ARHGAP29: variants seen among roughly 807,000 people sequenced by gnomAD.
ARHGAP29 encodes the protein rho GTPase-activating protein 29.
ARHGAP29 carries 43 observed loss-of-function variants against 122.6 expected under a neutral mutation model. The ratio of observed to expected loss-of-function variants is 0.35; its 90% confidence interval spans 0.27 to 0.45. ARHGAP29 has a LOEUF of 0.45. Among genes scored for constraint, ARHGAP29 ranks in the 20% least tolerant of loss-of-function variants. The pLI is 1.00. For missense variants in ARHGAP29, 1,303 were observed against 1,477.2 expected (o/e 0.88, Z 1.93); for synonymous variants, 506 against 497.1 (o/e 1.02, Z -0.24).
chr1:94,187,939 A>G (rs1649904357), intron 15 of ARHGAP29, among the ~76,000 whole-genome samples: 1 of 152,146 alleles, frequency 6.6e-6, no homozygotes, highest in African/African-American at 2.4e-5. Flanking sequence ...CTAAATTTAA[A>G]TATAAGAGAT....
intron 20 of ARHGAP29, among the ~76,000 whole-genome samples, chr1:94,178,384 A>G (rs1166164774): frequency 6.6e-6 from 1 of 152,228 alleles, no homozygotes; most frequent in East Asian, 1.9e-4. Context: ...TTTCAAGTTA[A>G]GTAGAAGGAA....
At chr1:94,299,928 T>C in the ARHGAP29 span, among the ~76,000 whole-genome samples, 1 of 152,136 alleles carries the variant, frequency 6.6e-6, no homozygotes, top group African/African-American at 2.4e-5. Context: ...GAGAGGACCT[T>C]TGCCTCTACT....
intron 2 of ARHGAP29, among the ~76,000 whole-genome samples, chr1:94,230,066 C>T (rs561023316): frequency 6.6e-6 from 1 of 151,646 alleles, no homozygotes; most frequent in Non-Finnish European, 1.5e-5. Context: ...TCAACTAATA[C>T]ATCACTTTAA....
rs1203422900 is a variant in ARHGAP29, at chr1:94,170,847, A to G, written c.*3022T>C. Among the ~76,000 whole-genome samples, 1 of 152,146 alleles carries G rather than the reference A, an allele frequency of 6.6e-6. No homozygotes were observed. The highest frequency in any genetic ancestry group is 1.5e-5 in the Non-Finnish European group (1 of 68,008). ...TACATCTTTTGTTAGACTTATTCTTAGGTAGAGTATTTTGTATTTTTTAAT... is the reference window on the plus strand; with the variant it reads ...TACATCTTTTGTTAGACTTATTCTTGGGTAGAGTATTTTGTATTTTTTAAT... On this transcript the variant is annotated 3_prime_UTR_variant, in exon 23 of 23. Coordinates refer to ENST00000260526, the MANE Select transcript of ARHGAP29 (RefSeq NM_004815.4).
chr1:94,205,815 C>A, intron 5 of ARHGAP29, 132 bp from the exon 6 acceptor site: 3 of 721,108 alleles, frequency 4.2e-6, no homozygotes, highest in Admixed American at 2.8e-5. Context: ...AACTTAAAGG[C>A]CTTAGAAGTC....
intron 19 of ARHGAP29, among the ~76,000 whole-genome samples, chr1:94,183,284 C>G (rs1469834890): frequency 1.3e-5 from 2 of 152,118 alleles, no homozygotes; most frequent in Non-Finnish European, 2.9e-5. Flanking sequence ...TCACTATTCT[C>G]TCTGACATTA....
At chr1:94,271,100 C>T (rs1249129999) in intron 1 of ARHGAP29, among the ~76,000 whole-genome samples, 1 of 152,202 alleles carries the variant, frequency 6.6e-6, no homozygotes, top group African/African-American at 2.4e-5. Context: ...ACCAAGCTCT[C>T]TCATGTGATT....
intron 12 of ARHGAP29, among the ~76,000 whole-genome samples, chr1:94,196,733 T>C (rs1371315621): frequency 6.6e-6 from 1 of 152,126 alleles, no homozygotes; most frequent in East Asian, 1.9e-4. Context: ...CAGGAAGATA[T>C]CCAGAAAATC....
chr1:94,219,221 T>C (rs1485185549), intron 3 of ARHGAP29, among the ~76,000 whole-genome samples: 1 of 151,736 alleles, frequency 6.6e-6, no homozygotes, highest in Non-Finnish European at 1.5e-5. Context: ...TCCATTTACC[T>C]TATCGGTAGC....
At chr1:94,297,269 G>A in the ARHGAP29 span, among the ~76,000 whole-genome samples, 78 of 152,302 alleles carry the variant, frequency 5.1e-4, no homozygotes, top group African/African-American at 1.8e-3. Flanking sequence ...GACAATACTC[G>A]TGGTATGTAC....
At chr1:94,235,937 C>A (rs1653224327) in intron 1 of ARHGAP29, among the ~76,000 whole-genome samples, 1 of 152,190 alleles carries the variant, frequency 6.6e-6, no homozygotes. Context: ...TCATTTTAGG[C>A]TCTCTAATTG....
chr1:94,205,301 G>T, intron 6 of ARHGAP29, 103 bp from the exon 7 acceptor site: 4 of 967,738 alleles, frequency 4.1e-6, no homozygotes, highest in Admixed American at 3.7e-5. Flanking sequence ...ATAAAAACTG[G>T]TTTTTAAAAA....
chr1:94,312,355 GTTTT>G, the ARHGAP29 span, among the ~76,000 whole-genome samples: 1,052 of 88,802 alleles, frequency 0.012, 11 homozygotes, highest in African/African-American at 0.041. Context: ...ATTTTTATTT[GTTTT>G]TTTTTTTTTT....
At chr1:94,232,389 G>T (rs1220601269) in intron 1 of ARHGAP29, among the ~76,000 whole-genome samples, 1 of 152,012 alleles carries the variant, frequency 6.6e-6, no homozygotes, top group Non-Finnish European at 1.5e-5. Context: ...ACACATCCTG[G>T]ATTACCAAGT....
chr1:94,281,137 A>T, the ARHGAP29 span, among the ~76,000 whole-genome samples: 1 of 152,220 alleles, frequency 6.6e-6, no homozygotes, highest in East Asian at 1.9e-4. Flanking sequence ...CACAAAAAAC[A>T]GTGGAATATT....
intron 3 of ARHGAP29, among the ~76,000 whole-genome samples, chr1:94,210,904 TA>T (rs34160965): frequency 0.93 from 130,074 of 140,122 alleles, 60,785 homozygotes; most frequent in East Asian, 0.99. Context: ...GTTTCTTATT[TA>T]AAAAAAAAAA....
chr1:94,282,499 C>G, the ARHGAP29 span, among the ~76,000 whole-genome samples: 1 of 151,932 alleles, frequency 6.6e-6, no homozygotes, highest in Non-Finnish European at 1.5e-5. Flanking sequence ...TTGCCCAACC[C>G]TCCTGGCCTC....
chr1:94,228,563 C>A (rs943859107), intron 2 of ARHGAP29, among the ~76,000 whole-genome samples: 1 of 151,694 alleles, frequency 6.6e-6, no homozygotes, highest in Non-Finnish European at 1.5e-5. Flanking sequence ...ATAACCTGGC[C>A]ATTATTTATC....
In ARHGAP29 at chr1:94,201,722, C is replaced by T; in HGVS notation, c.1279G>A (p.Ala427Thr). 1 of 1,613,554 alleles carries T rather than the reference C, an allele frequency of 6.2e-7. No individual in the cohort carries two copies. Among genetic ancestry groups the T allele is most frequent in the Non-Finnish European group, 8.5e-7 (1 of 1,179,856 alleles). ...LVFQCDLTLK[A>T]VTVNLFHMQH... The stretch of plus-strand genomic sequence containing the variant: ...AAAATACTGAAGAAATTACTTACAG[C>T]TTTAAGGGTAAGATCACACTGGAAA... The change falls in exon 12 of 23, where the codon GCT becomes ACT. Residue 427 changes from alanine (A) to threonine (T), a missense_variant and splice_region_variant. This residue lies in a region of ARHGAP29 where 592 missense variants were observed against 648.2 expected (regional missense o/e 0.91). Transcript: ENST00000260526.
Sources: allele counts gnomAD v4.1 joint callset (sites outside exome capture counted in the v4.1 genomes callset), GRCh38; gene constraint gnomAD v4.1.1; regional missense constraint gnomAD v4.1.1; transcripts MANE v1.5; gene names NCBI Gene and HGNC (gene_info 2026-07-23, HGNC 2026-07-21).